RGS7: variants seen among roughly 807,000 people sequenced by gnomAD.
RGS7 encodes the protein regulator of G-protein signaling 7.
Under a neutral mutation model 81.1 loss-of-function variants are expected in RGS7, and 27 were observed. The observed-to-expected ratio is 0.33, with a 90% confidence interval of 0.25 to 0.46. The LOEUF is 0.46. RGS7 is among the 20% of genes least tolerant of loss of function. The probability of loss-of-function intolerance (pLI) is 1.00; values close to 1 mark genes in which losing one functional copy is unlikely to be tolerated. For synonymous variants in RGS7, 208 were observed against 207.7 expected (o/e 1.00, Z -0.01); for missense variants, 396 against 607.4 (o/e 0.65, Z 3.66).
chr1:240,920,011 TA>T, intron 6 of RGS7: 1 of 1,276,042 alleles, frequency 7.8e-7, no homozygotes, highest in Non-Finnish European at 1.1e-6. Flanking sequence ...GAACATCACC[TA>T]AGAGATTATT....
intron 2 of RGS7, among the ~76,000 whole-genome samples, chr1:241,307,688 A>C (rs1573605405): frequency 1.3e-5 from 2 of 152,324 alleles, no homozygotes; most frequent in African/African-American, 4.8e-5. Flanking sequence ...TCCACCATTA[A>C]ATAGAAATTT....
At chr1:240,920,236 G>A (rs1297467158) in intron 6 of RGS7, 14 of 1,211,658 alleles carry the variant, frequency 1.2e-5, no homozygotes, top group South Asian at 3.6e-5. Flanking sequence ...CAAAGAGGTC[G>A]AAGTGGTTCT....
chr1:241,008,437 C>G (rs2058787336), intron 3 of RGS7, among the ~76,000 whole-genome samples: 1 of 152,182 alleles, frequency 6.6e-6, no homozygotes, highest in South Asian at 2.1e-4. Flanking sequence ...GCCTGAGATT[C>G]TGCTTTTTAA....
At chr1:241,340,376 T>A (rs558700155) in intron 2 of RGS7, among the ~76,000 whole-genome samples, 37 of 152,170 alleles carry the variant, frequency 2.4e-4, no homozygotes, top group South Asian at 1.9e-3. Flanking sequence ...CAAACTTAAG[T>A]GCATTGGGAA....
intron 2 of RGS7, among the ~76,000 whole-genome samples, chr1:241,253,708 G>T (rs759350806): frequency 1.2e-4 from 18 of 152,134 alleles, no homozygotes; most frequent in Non-Finnish European, 2.2e-4. Context: ...TGCTGCATGG[G>T]CTTGAGAACA....
chr1:240,791,882 T>G (rs1686071010), intron 18 of RGS7, among the ~76,000 whole-genome samples: 1 of 152,212 alleles, frequency 6.6e-6, no homozygotes, highest in Non-Finnish European at 1.5e-5. Context: ...AGACCGTTGA[T>G]GGAATTCTGC....
At chr1:241,330,389 T>C (rs1029572471) in intron 2 of RGS7, among the ~76,000 whole-genome samples, 4 of 152,138 alleles carry the variant, frequency 2.6e-5, no homozygotes, top group African/African-American at 7.2e-5. Flanking sequence ...AAAAGCCAAA[T>C]TGAATTTAAT....
chr1:241,167,810 G>A (rs578106305), intron 2 of RGS7, among the ~76,000 whole-genome samples: 48 of 151,924 alleles, frequency 3.2e-4, no homozygotes, highest in Non-Finnish European at 6.0e-4. Flanking sequence ...GAACCACCAC[G>A]CCCGGCCTGA....
intron 2 of RGS7, among the ~76,000 whole-genome samples, chr1:241,313,518 C>T (rs2080678887): frequency 6.6e-6 from 1 of 152,210 alleles, no homozygotes; most frequent in African/African-American, 2.4e-5. Context: ...GCAATGCTCA[C>T]AGTCACCCAA....
At chr1:240,981,839 A>T (rs1684962171) in intron 4 of RGS7, among the ~76,000 whole-genome samples, 1 of 152,206 alleles carries the variant, frequency 6.6e-6, no homozygotes, top group Admixed American at 6.5e-5. Flanking sequence ...TTAAAATGAG[A>T]AAAAATTAAA....
At chr1:241,038,073 T>A (rs1159889699) in intron 3 of RGS7, among the ~76,000 whole-genome samples, 3 of 152,142 alleles carry the variant, frequency 2.0e-5, no homozygotes, top group Admixed American at 6.6e-5. Flanking sequence ...AACATATTAA[T>A]GTAATAAAAT....
At chr1:240,919,594 C>A in intron 6 of RGS7, 1 of 240,870 alleles carries the variant, frequency 4.2e-6, no homozygotes. Flanking sequence ...AAAAAAATGC[C>A]TACAAAAAAC....
chr1:241,119,365 T>G (rs536611842), intron 2 of RGS7, among the ~76,000 whole-genome samples: 7 of 152,190 alleles, frequency 4.6e-5, no homozygotes, highest in Non-Finnish European at 8.8e-5. Flanking sequence ...AGAAAATGCT[T>G]TGAATAGGAA....
intron 11 of RGS7, 29 bp from the exon 12 acceptor site, chr1:240,814,806 A>C (rs1249693318): frequency 7.4e-7 from 1 of 1,355,818 alleles, no homozygotes; most frequent in Non-Finnish European, 1.1e-6. Context: ...AAGGAGTTAC[A>C]TAAGTAATGA....
chr1:241,139,663 T>G (rs1182179424), intron 2 of RGS7, among the ~76,000 whole-genome samples: 3 of 152,180 alleles, frequency 2.0e-5, no homozygotes, highest in Non-Finnish European at 4.4e-5. Context: ...CCAACATTCC[T>G]TGTTGTCTGT....
At chr1:240,813,531 C>T in intron 13 of RGS7, 87 bp downstream of exon 13, 1 of 806,920 alleles carries the variant, frequency 1.2e-6, no homozygotes, top group Non-Finnish European at 2.2e-6. Context: ...ATTACATTCA[C>T]AATTAGCCAA....
chr1:240,958,726 A>T (rs1680856290), intron 4 of RGS7, among the ~76,000 whole-genome samples: 1 of 152,096 alleles, frequency 6.6e-6, no homozygotes, highest in Non-Finnish European at 1.5e-5. Flanking sequence ...CTCCTTTAAC[A>T]TTTATGTATA....
intron 2 of RGS7, among the ~76,000 whole-genome samples, chr1:241,238,320 T>C (rs1383834716): frequency 6.6e-6 from 1 of 152,200 alleles, no homozygotes; most frequent in East Asian, 1.9e-4. Flanking sequence ...ACAGATACTA[T>C]GACCTTGTAT....
chr1:240,876,162 G>A (rs1558396311), intron 6 of RGS7, among the ~76,000 whole-genome samples: 1 of 152,174 alleles, frequency 6.6e-6, no homozygotes, highest in African/African-American at 2.4e-5. Flanking sequence ...TAGACAGCCT[G>A]CCTCTTGCCC....
Sources: allele counts gnomAD v4.1 joint callset (sites outside exome capture counted in the v4.1 genomes callset), GRCh38; gene constraint gnomAD v4.1.1; transcripts MANE v1.5; gene names NCBI Gene and HGNC (gene_info 2026-07-23, HGNC 2026-07-21).